Variants in SPMIP11 observed in about 807,000 individuals in gnomAD.
SPMIP11 encodes the protein long intergenic non-protein coding RNA 935.
chr12:48,756,072 A>G, the SPMIP11 span, among the ~76,000 whole-genome samples: 1 of 150,096 alleles, frequency 6.7e-6, no homozygotes. Context: ...TTTAGTAGAG[A>G]CGGGGTTTCA....
the SPMIP11 span, chr12:48,768,780 AG>A: frequency 6.3e-7 from 1 of 1,591,558 alleles, no homozygotes; most frequent in Non-Finnish European, 8.6e-7. Flanking sequence ...GCAGGGGCCC[AG>A]GGGTTCTCTA....
the SPMIP11 span, among the ~76,000 whole-genome samples, chr12:48,741,818 T>A: frequency 2.0e-5 from 3 of 152,138 alleles, no homozygotes; most frequent in African/African-American, 7.2e-5. Context: ...TGTTTTGATT[T>A]CTAGTAGAGG....
chr12:48,743,920 C>T, the SPMIP11 span, among the ~76,000 whole-genome samples: 47 of 86,266 alleles, frequency 5.4e-4, no homozygotes, highest in South Asian at 0.017. Flanking sequence ...GGAACAAGAG[C>T]AAGACTTCGT....
chr12:48,735,961 T>A, the SPMIP11 span: 6 of 193,714 alleles, frequency 3.1e-5, no homozygotes, highest in Non-Finnish European at 5.5e-5. Flanking sequence ...TAATTTGTGA[T>A]GCAGCAATAG....
chr12:48,763,715 G>A, the SPMIP11 span, among the ~76,000 whole-genome samples: 1 of 140,484 alleles, frequency 7.1e-6, no homozygotes, highest in Non-Finnish European at 1.5e-5. Context: ...GTCTCGCTCT[G>A]TCGCCCTGGC....
chr12:48,729,603 A>G, the SPMIP11 span, among the ~76,000 whole-genome samples: 1 of 151,564 alleles, frequency 6.6e-6, no homozygotes, highest in Non-Finnish European at 1.5e-5. Flanking sequence ...CCAGTGACCC[A>G]GGAGGCTGAG....
the SPMIP11 span, among the ~76,000 whole-genome samples, chr12:48,734,600 G>A: frequency 8.5e-5 from 13 of 152,242 alleles, no homozygotes; most frequent in Non-Finnish European, 1.6e-4. Flanking sequence ...CCTTTTGAGT[G>A]TGGGTAGAAC....
the SPMIP11 span, among the ~76,000 whole-genome samples, chr12:48,763,135 A>C: frequency 6.6e-6 from 1 of 152,230 alleles, no homozygotes; most frequent in African/African-American, 2.4e-5. Context: ...AAAGAGGGGT[A>C]GTAAGTTATT....
chr12:48,764,984 C>G, the SPMIP11 span: 1 of 702,700 alleles, frequency 1.4e-6, no homozygotes, highest in Non-Finnish European at 2.6e-6. Context: ...TCATAAAAAG[C>G]GCGATGACCA....
chr12:48,755,831 A>C, the SPMIP11 span, among the ~76,000 whole-genome samples: 1 of 150,962 alleles, frequency 6.6e-6, no homozygotes, highest in African/African-American at 2.4e-5. Context: ...CTCAGTCTAG[A>C]CTGGCCACTA....
chr12:48,737,678 G>A, the SPMIP11 span, among the ~76,000 whole-genome samples: 34 of 152,156 alleles, frequency 2.2e-4, no homozygotes, highest in African/African-American at 7.9e-4. Flanking sequence ...GCCTCCCAAA[G>A]TGCTGGGATT....
chr12:48,768,427 G>C, the SPMIP11 span: 1 of 992,734 alleles, frequency 1.0e-6, no homozygotes, highest in Non-Finnish European at 1.5e-6. Context: ...TTTCCAGCTT[G>C]AGGGCAGACG....
chr12:48,749,032 C>A, the SPMIP11 span, among the ~76,000 whole-genome samples: 1 of 152,108 alleles, frequency 6.6e-6, no homozygotes, highest in Non-Finnish European at 1.5e-5. Flanking sequence ...GAGGCCAAGG[C>A]GGGTGGATCA....
At chr12:48,737,456 C>T in the SPMIP11 span, among the ~76,000 whole-genome samples, 2 of 150,242 alleles carry the variant, frequency 1.3e-5, no homozygotes, top group African/African-American at 4.9e-5. Flanking sequence ...CTCTTATCAC[C>T]CAGGCAGGAG....
At chr12:48,732,056 C>T in the SPMIP11 span, among the ~76,000 whole-genome samples, 7 of 150,020 alleles carry the variant, frequency 4.7e-5, no homozygotes, top group Non-Finnish European at 8.9e-5. Context: ...GGCTGAGGCA[C>T]GAGAATCTCT....
chr12:48,749,961 G>C, the SPMIP11 span, among the ~76,000 whole-genome samples: 7 of 151,792 alleles, frequency 4.6e-5, no homozygotes, highest in Middle Eastern at 3.2e-3. Context: ...AAAGTGCTGG[G>C]ATTACAGGCG....
chr12:48,739,311 G>A, the SPMIP11 span, among the ~76,000 whole-genome samples: 1 of 152,056 alleles, frequency 6.6e-6, no homozygotes, highest in African/African-American at 2.4e-5. Context: ...AATTTCTCTG[G>A]GGAAGAATCC....
the SPMIP11 span, among the ~76,000 whole-genome samples, chr12:48,740,895 A>C: frequency 1.3e-5 from 2 of 151,902 alleles, no homozygotes; most frequent in African/African-American, 4.8e-5. Flanking sequence ...TTAAAAAATA[A>C]AAATAAAAGA....
At chr12:48,755,790 A>G in the SPMIP11 span, among the ~76,000 whole-genome samples, 1 of 151,972 alleles carries the variant, frequency 6.6e-6, no homozygotes, top group African/African-American at 2.4e-5. Context: ...AGATTTCCTA[A>G]CTGTCACTTG....
Sources: gnomAD v4.1 joint callset for allele counts (sites outside exome capture counted in the v4.1 genomes callset) on GRCh38, gnomAD v4.1.1 for gene constraint, MANE v1.5 for transcripts, NCBI Gene and HGNC (gene_info 2026-07-23, HGNC 2026-07-21) for gene names.